Variants in COL28A1 observed in about 807,000 individuals in gnomAD.
COL28A1 encodes the protein collagen alpha-1(XXVIII) chain.
A neutral mutation model predicts 150.2 loss-of-function variants in COL28A1; 161 were observed. The observed-to-expected ratio is 1.07, with a 90% CI of 0.94 to 1.22. The LOEUF (loss-of-function observed/expected upper bound fraction) is 1.22, where lower values mean the gene tolerates loss of function less well. COL28A1 is among the 50% of genes most tolerant of loss of function. The pLI is 0.00. For missense variants in COL28A1, 1,617 were observed against 1,388.3 expected (o/e 1.16, Z -2.62); for synonymous variants, 552 against 469.7 (o/e 1.18, Z -2.26).
intron 26 of COL28A1, among the ~76,000 whole-genome samples, chr7:7,419,490 G>T (rs1019182281): frequency 1.3e-5 from 2 of 152,170 alleles, no homozygotes; most frequent in Non-Finnish European, 2.9e-5. Context: ...CTAGACCCTT[G>T]TACTGACACC....
At chr7:7,462,676 T>C (rs554817989) in intron 15 of COL28A1, among the ~76,000 whole-genome samples, 7 of 152,124 alleles carry the variant, frequency 4.6e-5, no homozygotes, top group African/African-American at 1.2e-4. Flanking sequence ...CTGACCAACA[T>C]AGAGAAACCC....
intron 6 of COL28A1, among the ~76,000 whole-genome samples, chr7:7,519,053 G>A (rs867955461): frequency 1.3e-5 from 2 of 152,022 alleles, no homozygotes; most frequent in South Asian, 4.2e-4. Context: ...CCTTATATTA[G>A]GACATTCTCA....
downstream of COL28A1, chr7:7,356,349 G>C (rs1436352228): frequency 6.6e-6 from 1 of 152,168 alleles, no homozygotes; most frequent in Non-Finnish European, 1.5e-5. Flanking sequence ...GGATATCCCT[G>C]GCATGGAATA....
chr7:7,424,409 G>A (rs1200884978), intron 25 of COL28A1, among the ~76,000 whole-genome samples: 1 of 152,146 alleles, frequency 6.6e-6, no homozygotes, highest in Non-Finnish European at 1.5e-5. Context: ...GACGGCACTG[G>A]TTTTGTCATA....
intron 15 of COL28A1, among the ~76,000 whole-genome samples, chr7:7,466,168 G>A (rs1788064627): frequency 1.6e-5 from 2 of 124,548 alleles, no homozygotes; most frequent in South Asian, 5.9e-4. Flanking sequence ...AGCTACGGGA[G>A]GACATTCAAA....
intron 13 of COL28A1, among the ~76,000 whole-genome samples, chr7:7,481,835 C>T (rs1019710329): frequency 1.3e-5 from 2 of 152,008 alleles, no homozygotes; most frequent in Admixed American, 6.6e-5. Context: ...ACAGTGCCAT[C>T]TACTTTATTT....
intron 27 of COL28A1, among the ~76,000 whole-genome samples, chr7:7,398,774 C>G (rs1442802345): frequency 6.6e-6 from 1 of 152,180 alleles, no homozygotes. Flanking sequence ...TGACAGTTGA[C>G]TCTGCTAGAG....
At chr7:7,389,156 T>C (rs1782380304) in intron 27 of COL28A1, among the ~76,000 whole-genome samples, 1 of 152,198 alleles carries the variant, frequency 6.6e-6, no homozygotes, top group African/African-American at 2.4e-5. Flanking sequence ...CTTTAATCCA[T>C]CTTGAGTTAA....
chr7:7,354,965 T>C (rs73343297), downstream of COL28A1, among the ~76,000 whole-genome samples: 2,130 of 152,240 alleles, frequency 0.014, 64 homozygotes, highest in African/African-American at 0.049. Flanking sequence ...AGAGTCACTT[T>C]TGTCCTAAGG....
chr7:7,524,273 C>T (rs1057437899), intron 3 of COL28A1, 24 bp from the exon 4 acceptor site: 6 of 1,263,846 alleles, frequency 4.7e-6, no homozygotes, highest in East Asian at 2.3e-5. Flanking sequence ...AAGAATGAAG[C>T]ATTAACTCGA....
intron 9 of COL28A1, among the ~76,000 whole-genome samples, chr7:7,509,642 T>G (rs1019393015): frequency 6.6e-5 from 10 of 151,772 alleles, no homozygotes; most frequent in African/African-American, 2.4e-4. Context: ...GTGGGTTTTT[T>G]TTGTTGTTGT....
At chr7:7,474,496 C>CT in intron 15 of COL28A1, 105 bp downstream of exon 15, 1 of 550,484 alleles carries the variant, frequency 1.8e-6, no homozygotes, top group Non-Finnish European at 3.2e-6. Flanking sequence ...AACCAGATAC[C>CT]TGTGTGGCAT....
rs201982609 is a variant in COL28A1, at chr7:7,477,177, G to C, written c.1168C>G (p.Pro390Ala). The change falls in exon 14 of 35, where the codon CCC (proline) becomes GCC (alanine). Residue 390 changes from proline to alanine, a missense_variant. Physicochemically the swap from Pro to Ala is conservative, Grantham distance 27. Coordinates refer to ENST00000399429, the MANE Select transcript of COL28A1 (RefSeq NM_001037763.3). ...IGVGEPGQPG[P>A]RGPEGVPGER... is the part of the protein sequence containing the mutation. ...CCTGGTACTCCCTCAGGACCACGGGGACCCTGGTTAGGATAGGAGAAAATG... is the reference window on the plus strand; with the variant it reads ...CCTGGTACTCCCTCAGGACCACGGGCACCCTGGTTAGGATAGGAGAAAATG... The C allele has an allele frequency of 1.2e-3, 1,443 of 1,222,680 alleles. 6 individuals carry two copies. Among genetic ancestry groups the C allele is most frequent in the Non-Finnish European group, 1.6e-3 (1,300 of 822,022 alleles). The allele number at this position is 1,222,680 out of a possible 1,614,324, so 75.7% of individuals were successfully genotyped here.
chr7:7,348,320 T>C, the COL28A1 span, among the ~76,000 whole-genome samples: 5 of 152,036 alleles, frequency 3.3e-5, no homozygotes, highest in African/African-American at 1.2e-4. Flanking sequence ...AAACTCCAGC[T>C]TCTCCCCTTA....
chr7:7,450,637 C>A (rs143490670), intron 18 of COL28A1, among the ~76,000 whole-genome samples: 4 of 152,272 alleles, frequency 2.6e-5, no homozygotes, highest in Admixed American at 6.5e-5. Context: ...AAGACTCGCA[C>A]GCTCTATGAT....
the COL28A1 span, among the ~76,000 whole-genome samples, chr7:7,347,185 G>A: frequency 1.3e-5 from 2 of 152,036 alleles, no homozygotes; most frequent in South Asian, 2.1e-4. Flanking sequence ...ACCAGGCAGT[G>A]TAAGGAAATG....
intron 18 of COL28A1, 80 bp from the exon 19 acceptor site, chr7:7,444,569 G>GC: frequency 1.4e-6 from 2 of 1,392,668 alleles, no homozygotes; most frequent in Non-Finnish European, 1.0e-6. Context: ...GTATCTTACA[G>GC]TGTCTGAGAA....
rs112150478 is a variant in COL28A1 at position 7,378,481 on chromosome 7, T to C, written c.2322+2179A>G. Among the ~76,000 whole-genome samples the C allele has an allele frequency of 4.3e-3, 655 of 152,198 alleles. 10 individuals carry two copies. Among genetic ancestry groups the C allele is most frequent in the African/African-American group, 0.015 (626 of 41,548 alleles). On this transcript the variant is annotated intron_variant, in intron 30 of 34. Coordinates refer to ENST00000399429, the MANE Select transcript of COL28A1 (RefSeq NM_001037763.3). ...GGAGAAACAGAGTCTTTTCAAATAATTTTATGAGATGTATTAAAACATTTA... is the reference window on the plus strand; with the variant it reads ...GGAGAAACAGAGTCTTTTCAAATAACTTTATGAGATGTATTAAAACATTTA...
rs773643018 is a variant in COL28A1 at position 7,437,351 on chromosome 7, C to T, written c.1791+43G>A. 13 of 1,569,328 alleles carry T rather than the reference C, an allele frequency of 8.3e-6. No individual in the cohort carries two copies. The East Asian group carries it at 2.7e-4, about 33-fold the overall frequency. Reference sequence around the variant, plus strand: ...ATCATGATTTTTTTTTCTCCAACTGCCAAAGGGTCAAGAAAAAGAAAATAA... The same window carrying T: ...ATCATGATTTTTTTTTCTCCAACTGTCAAAGGGTCAAGAAAAAGAAAATAA... On this transcript the variant is annotated intron_variant, in intron 22 of 34. Transcript: ENST00000399429.
Sources: gnomAD v4.1 joint callset for allele counts (sites outside exome capture counted in the v4.1 genomes callset) on GRCh38, gnomAD v4.1.1 for gene constraint, MANE v1.5 for transcripts, NCBI Gene and HGNC (gene_info 2026-07-23, HGNC 2026-07-21) for gene names.